PASD1: variants seen among roughly 807,000 people sequenced by gnomAD.
PASD1 encodes circadian clock protein PASD1.
In PASD1, 13 loss-of-function variants were observed where a neutral mutation model predicts 58.8. That is an observed-to-expected ratio of 0.22 (90% CI 0.14 to 0.35). The LOEUF (loss-of-function observed/expected upper bound fraction) is 0.35. Ranked by LOEUF, PASD1 falls within the 10% of genes least tolerant of loss-of-function variation. The pLI is 1.00. For synonymous variants in PASD1, 236 were observed against 216.7 expected (o/e 1.09, Z -0.78); for missense variants, 734 against 568.3 (o/e 1.29, Z -2.96).
intron 2 of PASD1, among the ~76,000 whole-genome samples, chrX:151,602,392 C>T (rs187172645): frequency 1.8e-5 from 2 of 111,089 alleles, no homozygotes; most frequent in Non-Finnish European, 3.8e-5. Context: ...ATGTCACTCT[C>T]CTGCTTAAAA....
chrX:151,654,200 G>A (rs962588444), intron 9 of PASD1, among the ~76,000 whole-genome samples: 1 of 108,762 alleles, frequency 9.2e-6, no homozygotes, highest in Non-Finnish European at 1.9e-5. Flanking sequence ...AAACTTCTGG[G>A]CTCAAGCAGT....
In PASD1 at chrX:151,674,134, C is replaced by T. The variant is rs182668710; in HGVS notation, c.2123C>T (p.Thr708Ile). 4.1e-6 allele frequency: 5 copies of T among 1,210,494 alleles called. No individual in the cohort carries two copies. The highest frequency in any genetic ancestry group is 5.6e-6 in the Non-Finnish European group (5 of 895,332). ...CTCGGTCCTGTTGTCCAAGTGAACA[C>T]TTGGTCTTGCGATGAGCAGGGCACC... ...DSLGPVVQVN[T>I]WSCDEQGTLH... is the part of the protein sequence containing the mutation. Residue 708 changes from threonine (T) to isoleucine (I), a missense_variant, in exon 15 of 16, where the codon ACT becomes ATT. Thr to Ile is a moderately conservative substitution (Grantham distance 89). Transcript: ENST00000370357.
chrX:151,576,438 A>G (rs1231948034), intron 1 of PASD1, among the ~76,000 whole-genome samples: 1 of 112,678 alleles, frequency 8.9e-6, no homozygotes, highest in African/African-American at 3.2e-5. Flanking sequence ...AATTGATTAC[A>G]TGTGAAATTG....
intron 3 of PASD1, 137 bp from the exon 4 acceptor site, chrX:151,611,525 GTC>G (rs1839228518): frequency 2.5e-6 from 1 of 399,076 alleles, no homozygotes; most frequent in Admixed American, 4.9e-5. Flanking sequence ...TTTTAATTAA[GTC>G]TGTGCCTACT....
chrX:151,616,677 A>T (rs2013641609), intron 4 of PASD1, among the ~76,000 whole-genome samples: 1 of 111,581 alleles, frequency 9.0e-6, no homozygotes, highest in Non-Finnish European at 1.9e-5. Context: ...TTCTAAAGCA[A>T]ATGAAACTTT....
chrX:151,564,161 G>A (rs1419312300), intron 1 of PASD1, among the ~76,000 whole-genome samples: 2 of 113,240 alleles, frequency 1.8e-5, no homozygotes, highest in Non-Finnish European at 3.7e-5. Context: ...AATTGAAGCA[G>A]AGTTGGGAAG....
chrX:151,661,573 C>G (rs2014311765), intron 10 of PASD1, among the ~76,000 whole-genome samples: 1 of 112,475 alleles, frequency 8.9e-6, no homozygotes, highest in African/African-American at 3.2e-5. Context: ...TACATAACCA[C>G]AGTACAGCTG....
chrX:151,583,775 G>C (rs954895186), intron 1 of PASD1, among the ~76,000 whole-genome samples: 1 of 111,571 alleles, frequency 9.0e-6, no homozygotes, highest in Admixed American at 9.6e-5. Context: ...AGGCTGGCTC[G>C]GAGTATGCAC....
At chrX:151,597,186 A>G in intron 1 of PASD1, among the ~76,000 whole-genome samples, 1 of 111,814 alleles carries the variant, frequency 8.9e-6, no homozygotes, top group Admixed American at 9.5e-5. Context: ...AGATTGGGTA[A>G]TTTCTCTTTT....
chrX:151,599,859 G>C (rs2124250417), intron 1 of PASD1, among the ~76,000 whole-genome samples: 1 of 111,566 alleles, frequency 9.0e-6, no homozygotes, highest in East Asian at 2.9e-4. Flanking sequence ...TTCCTAGACG[G>C]GGTGGCGGCC....
chrX:151,673,918 TCTC>T lies in PASD1; in HGVS notation c.1917-9_1917-7del, dbSNP rs1303338189. The T allele has an allele frequency of 2.5e-6, 3 of 1,208,837 alleles. No individual in the cohort carries two copies. The highest frequency in any genetic ancestry group is 1.8e-5 in the African/African-American group (1 of 57,131). The stretch of plus-strand genomic sequence containing the variant: ...ATCCACATCACTGCAACAGCTTTCT[TCTC>T]TTACAGTTTTTATCCTGAGGCGTAT... On this transcript the variant is annotated splice_region_variant and splice_polypyrimidine_tract_variant and intron_variant, in intron 14 of 15. Coordinates refer to ENST00000370357, the MANE Select transcript of PASD1 (RefSeq NM_173493.3).
intron 1 of PASD1, among the ~76,000 whole-genome samples, chrX:151,564,555 T>C (rs2124212605): frequency 9.1e-6 from 1 of 110,451 alleles, no homozygotes; most frequent in East Asian, 2.8e-4. Flanking sequence ...TTTTTCAAAA[T>C]GGAGTCAGAT....
chrX:151,621,697 T>C (rs886651350), intron 6 of PASD1, 105 bp downstream of exon 6: 8 of 448,088 alleles, frequency 1.8e-5, no homozygotes, highest in African/African-American at 7.8e-5. Flanking sequence ...CTGTCTGATA[T>C]CCCTATGGCC....
intron 8 of PASD1, among the ~76,000 whole-genome samples, chrX:151,642,265 G>A (rs143997599): frequency 1.8e-5 from 2 of 111,519 alleles, no homozygotes; most frequent in African/African-American, 3.3e-5. Context: ...TCACCTGCTC[G>A]TGTTTTTTCA....
chrX:151,594,108 G>T (rs2013285768), intron 1 of PASD1, among the ~76,000 whole-genome samples: 1 of 110,364 alleles, frequency 9.1e-6, no homozygotes, highest in Admixed American at 9.7e-5. Flanking sequence ...TGAGCAGCTG[G>T]GACTACAGGT....
chrX:151,599,753 T>C (rs1278589848), intron 1 of PASD1, among the ~76,000 whole-genome samples: 2 of 97,154 alleles, frequency 2.1e-5, no homozygotes, highest in Non-Finnish European at 4.1e-5. Context: ...GGATGACGGC[T>C]GGGAAGAGGC....
rs757358834 is a variant in PASD1, at chrX:151,621,525, C to T, written c.351C>T (p.Val117=). 41 of 1,203,471 alleles carry T rather than the reference C, an allele frequency of 3.4e-5. No individual in the cohort carries two copies. The South Asian group carries it at 4.0e-4, about 12-fold the overall frequency. The change falls in exon 6 of 16, where the codon GTC becomes GTT. Residue 117 remains valine (V), a synonymous_variant. Transcript: ENST00000370357. Reference sequence around the variant, plus strand: ...GCTGTCATTTAAAAAGAGGAAATGTCGAACATGGTGATAGTTCTGCTTACG... The same window carrying T: ...GCTGTCATTTAAAAAGAGGAAATGTTGAACATGGTGATAGTTCTGCTTACG... ...EFCCHLKRGN[V]EHGDSSAYEN...
chrX:151,585,979 A>C (rs868265143), intron 1 of PASD1, among the ~76,000 whole-genome samples: 2 of 111,857 alleles, frequency 1.8e-5, no homozygotes, highest in African/African-American at 6.5e-5. Context: ...CAGAATTCTT[A>C]CATGGCTTAG....
Position 151,672,680 on chromosome X carries a change from G to T in PASD1, c.1916+19G>T. Reference sequence around the variant, plus strand: ...GTCAAAGGTAAGACATGCATGGAATGGTGATAGTGGCTATGATTATTGCTT... The same window carrying T: ...GTCAAAGGTAAGACATGCATGGAATTGTGATAGTGGCTATGATTATTGCTT... On this transcript the variant is annotated intron_variant, in intron 14 of 15. Coordinates refer to ENST00000370357, the MANE Select transcript of PASD1 (RefSeq NM_173493.3). 1 of 1,204,989 alleles carries T rather than the reference G, an allele frequency of 8.3e-7. No individual in the cohort carries two copies.
Sources: allele counts gnomAD v4.1 joint callset (sites outside exome capture counted in the v4.1 genomes callset), GRCh38; gene constraint gnomAD v4.1.1; transcripts MANE v1.5; gene names NCBI Gene and HGNC (gene_info 2026-07-23, HGNC 2026-07-21).